FOXP2: variants seen among roughly 807,000 people sequenced by gnomAD.
FOXP2 encodes forkhead box protein P2.
In FOXP2, 12 loss-of-function variants were observed where a neutral mutation model predicts 115.8. The ratio of observed to expected loss-of-function variants is 0.10; its 90% CI spans 0.07 to 0.17. FOXP2 has a LOEUF of 0.17. Ranked by LOEUF, FOXP2 falls within the 10% of genes least tolerant of loss-of-function variation. The pLI is 1.00. For synonymous variants in FOXP2, 328 were observed against 297.7 expected (o/e 1.10, Z -1.05); for missense variants, 629 against 843.5 (o/e 0.75, Z 3.15).
intron 1 of FOXP2, among the ~76,000 whole-genome samples, chr7:114,425,954 A>G (rs1294693093): frequency 2.0e-5 from 3 of 151,742 alleles, no homozygotes; most frequent in South Asian, 4.1e-4. Context: ...ACAAAAAAAG[A>G]AACCCATTAT....
At chr7:114,526,489 A>AAAC (rs1554410666) in intron 2 of FOXP2, among the ~76,000 whole-genome samples, 9 of 127,972 alleles carry the variant, frequency 7.0e-5, no homozygotes, top group African/African-American at 3.4e-4. Flanking sequence ...AAAAAAAAAC[A>AAAC]AAAAAAAAAA....
At chr7:114,598,775 C>T (rs1802858681) in intron 3 of FOXP2, among the ~76,000 whole-genome samples, 1 of 151,980 alleles carries the variant, frequency 6.6e-6, no homozygotes, top group Non-Finnish European at 1.5e-5. Context: ...TATAACATTT[C>T]TATAAAAAGT....
chr7:114,200,100 A>C (rs1181610680), intron 1 of FOXP2, among the ~76,000 whole-genome samples: 2 of 152,204 alleles, frequency 1.3e-5, no homozygotes, highest in Non-Finnish European at 2.9e-5. Flanking sequence ...TGTACACACA[A>C]AATCAGCCCT....
chr7:114,499,087 C>A (rs1194902154), intron 2 of FOXP2: 9 of 553,554 alleles, frequency 1.6e-5, no homozygotes, highest in Non-Finnish European at 2.6e-5. Context: ...CAGCAATTAC[C>A]CTGCAGGTAA....
intron 1 of FOXP2, among the ~76,000 whole-genome samples, chr7:114,170,034 T>C (rs1344298075): frequency 6.6e-6 from 1 of 152,186 alleles, no homozygotes; most frequent in Non-Finnish European, 1.5e-5. Context: ...CTGTCTCCAG[T>C]ATGTCTTTAT....
At chr7:114,221,837 T>A (rs559467878) in intron 1 of FOXP2, among the ~76,000 whole-genome samples, 1 of 152,314 alleles carries the variant, frequency 6.6e-6, no homozygotes, top group African/African-American at 2.4e-5. Context: ...GATAGAACTC[T>A]AGCCACAAAC....
intron 3 of FOXP2, among the ~76,000 whole-genome samples, chr7:114,556,885 T>A (rs1262405959): frequency 1.3e-5 from 2 of 152,178 alleles, no homozygotes. Flanking sequence ...TAAGAAAAAA[T>A]TAGTAACTTT....
intron 2 of FOXP2, among the ~76,000 whole-genome samples, chr7:114,489,060 T>G (rs1030302092): frequency 2.0e-5 from 3 of 152,144 alleles, no homozygotes; most frequent in Admixed American, 2.0e-4. Flanking sequence ...ATTTTGTCAG[T>G]GATATTTTGG....
chr7:114,629,942 A>ACAGCAG lies in FOXP2; in HGVS notation c.546_551dup (p.Gln190_Gln191dup), dbSNP rs745780679. On this transcript the variant is annotated inframe_insertion, in exon 5 of 17. Transcript: ENST00000350908. ...AACAACAACAACAACAGCAGCAACAACAGCAGCAGCAGCAGCAACAGCAGC... is the reference window on the plus strand; with the variant it reads ...AACAACAACAACAACAGCAGCAACAACAGCAGCAGCAGCAGCAGCAGCAACAGCAGC... 1.9e-6 allele frequency: 3 copies of ACAGCAG among 1,608,822 alleles called. No individual in the cohort carries two copies. Among genetic ancestry groups the ACAGCAG allele is most frequent in the South Asian group, 2.2e-5 (2 of 90,884 alleles).
intron 1 of FOXP2, among the ~76,000 whole-genome samples, chr7:114,169,786 C>T (rs547289481): frequency 5.3e-5 from 8 of 152,100 alleles, no homozygotes; most frequent in African/African-American, 1.4e-4. Context: ...GGGAGGGACC[C>T]GGTGGGAGAT....
At chr7:114,478,619 T>C (rs1402735514) in intron 2 of FOXP2, among the ~76,000 whole-genome samples, 1 of 151,810 alleles carries the variant, frequency 6.6e-6, no homozygotes, top group African/African-American at 2.4e-5. Flanking sequence ...TGCTAGTTAT[T>C]TCTAGAACAT....
intron 1 of FOXP2, among the ~76,000 whole-genome samples, chr7:114,269,066 C>A (rs1208964930): frequency 6.6e-6 from 1 of 152,098 alleles, no homozygotes; most frequent in African/African-American, 2.4e-5. Context: ...GAAATCATGT[C>A]ATTTATAACT....
intron 2 of FOXP2, among the ~76,000 whole-genome samples, chr7:114,471,417 A>G (rs1275275717): frequency 1.3e-5 from 2 of 152,084 alleles, no homozygotes; most frequent in Non-Finnish European, 2.9e-5. Flanking sequence ...CAGCTAATCA[A>G]CCTGACACAT....
At chr7:114,277,897 A>G (rs1796227956) in intron 1 of FOXP2, among the ~76,000 whole-genome samples, 1 of 151,862 alleles carries the variant, frequency 6.6e-6, no homozygotes, top group Admixed American at 6.6e-5. Context: ...GCATGGTGGC[A>G]TGTGTCTAAA....
At chr7:114,499,921 A>G (rs1314958082) in intron 2 of FOXP2, among the ~76,000 whole-genome samples, 1 of 152,180 alleles carries the variant, frequency 6.6e-6, no homozygotes, top group Non-Finnish European at 1.5e-5. Context: ...AATGGAATCA[A>G]AAATGTAATG....
At chr7:114,136,527 T>A (rs527822262) in intron 1 of FOXP2, among the ~76,000 whole-genome samples, 1 of 152,000 alleles carries the variant, frequency 6.6e-6, no homozygotes. Flanking sequence ...AAAAGTTTTA[T>A]TTAATAAAAA....
At chr7:114,408,913 T>C (rs1275539970) in intron 2 of FOXP2, among the ~76,000 whole-genome samples, 1 of 152,140 alleles carries the variant, frequency 6.6e-6, no homozygotes, top group African/African-American at 2.4e-5. Flanking sequence ...TGTTACTTTT[T>C]TCTTCATTGT....
intron 1 of FOXP2, among the ~76,000 whole-genome samples, chr7:114,109,610 A>C (rs1234848555): frequency 1.3e-5 from 2 of 152,122 alleles, no homozygotes; most frequent in Non-Finnish European, 2.9e-5. Flanking sequence ...GAATTTGAAA[A>C]TGCTGTATGC....
At chr7:114,558,801 C>G (rs1030412488) in intron 3 of FOXP2, among the ~76,000 whole-genome samples, 10 of 152,092 alleles carry the variant, frequency 6.6e-5, no homozygotes, top group African/African-American at 2.2e-4. Flanking sequence ...TAATATGAAA[C>G]TCATCACTAA....
Sources: gnomAD v4.1 joint callset for allele counts (sites outside exome capture counted in the v4.1 genomes callset) on GRCh38, gnomAD v4.1.1 for gene constraint, MANE v1.5 for transcripts, NCBI Gene and HGNC (gene_info 2026-07-23, HGNC 2026-07-21) for gene names.